The following ATXN1 variants were observed in gnomAD, a reference collection of about 807,000 sequenced individuals.
ATXN1 encodes ataxin-1.
In ATXN1, 8 loss-of-function variants were observed where a neutral mutation model predicts 56.4. The observed-to-expected ratio is 0.14, with a 90% confidence interval of 0.08 to 0.26. The LOEUF (loss-of-function observed/expected upper bound fraction) is 0.26. Ranked by LOEUF, ATXN1 falls within the 10% of genes least tolerant of loss-of-function variation. The pLI is 1.00. For synonymous variants in ATXN1, 514 were observed against 494.6 expected (o/e 1.04, Z -0.52); for missense variants, 987 against 1,106.5 (o/e 0.89, Z 1.53).
rs114119090 is a variant in ATXN1 at position 16,721,061 on chromosome 6, T to A, written c.-615+32172A>T. ...ACCCAGAGGATAACCAGCTCCCCCGTTCCAAATTATTCCTGCTCTGCATAC... is the reference window on the plus strand; with the variant it reads ...ACCCAGAGGATAACCAGCTCCCCCGATCCAAATTATTCCTGCTCTGCATAC... On this transcript the variant is annotated intron_variant, in intron 2 of 7. Transcript: ENST00000436367. 6.7e-3 allele frequency among the ~76,000 whole-genome samples: 1,028 copies of A among 152,310 alleles called. 16 individuals carry two copies. The highest frequency in any genetic ancestry group is 0.024 in the African/African-American group (998 of 41,574).
chr6:16,597,087 C>G (rs1331309417), intron 3 of ATXN1, among the ~76,000 whole-genome samples: 2 of 152,244 alleles, frequency 1.3e-5, no homozygotes, highest in African/African-American at 4.8e-5. Flanking sequence ...TGCCACTGCT[C>G]TGGGTCACCA....
At chr6:16,551,778 G>A (rs184654225) in intron 4 of ATXN1, among the ~76,000 whole-genome samples, 44 of 152,270 alleles carry the variant, frequency 2.9e-4, no homozygotes, top group Non-Finnish European at 5.6e-4. Context: ...CTGCTGTGGC[G>A]CTTCCAGCTG....
intron 7 of ATXN1, among the ~76,000 whole-genome samples, chr6:16,316,454 C>T (rs542638427): frequency 1.3e-5 from 2 of 152,172 alleles, no homozygotes; most frequent in African/African-American, 4.8e-5. Context: ...CAGTTAAAAT[C>T]TGAAAGAAGA....
intron 4 of ATXN1, among the ~76,000 whole-genome samples, chr6:16,571,118 C>T (rs371142653): frequency 5.9e-5 from 9 of 152,186 alleles, no homozygotes; most frequent in African/African-American, 9.6e-5. Context: ...AAATGGTTCC[C>T]GAGTTCAGCA....
chr6:16,347,080 C>T (rs889974438), intron 6 of ATXN1, among the ~76,000 whole-genome samples: 5 of 152,246 alleles, frequency 3.3e-5, no homozygotes, highest in African/African-American at 1.2e-4. Flanking sequence ...TTCTGGCGGG[C>T]AGGGCTCGGG....
intron 4 of ATXN1, among the ~76,000 whole-genome samples, chr6:16,568,571 T>A (rs1219596277): frequency 6.6e-6 from 1 of 152,202 alleles, no homozygotes. Context: ...CAAACTCTAG[T>A]ACCATGAGCA....
intron 4 of ATXN1, among the ~76,000 whole-genome samples, chr6:16,576,109 A>C (rs1234517907): frequency 1.3e-5 from 2 of 152,218 alleles, no homozygotes; most frequent in Non-Finnish European, 2.9e-5. Context: ...AAAAAAAAAA[A>C]AATCTGAAAA....
chr6:16,529,362 G>A (rs770428158), intron 4 of ATXN1, among the ~76,000 whole-genome samples: 2 of 150,564 alleles, frequency 1.3e-5, no homozygotes, highest in East Asian at 3.9e-4. Context: ...CAGTGGCAAC[G>A]ACACAAAATG....
rs78706477 is a variant in ATXN1 at position 16,695,765 on chromosome 6, C to G, written c.-614-37864G>C. ...GCAGTTACTAAACTTAAAAATGCAGCCTGGGCAATGGAATGAGACCCTGTC... is the reference window on the plus strand; with the variant it reads ...GCAGTTACTAAACTTAAAAATGCAGGCTGGGCAATGGAATGAGACCCTGTC... On this transcript the variant is annotated intron_variant, in intron 2 of 7. Transcript: ENST00000436367. Among the ~76,000 whole-genome samples the G allele has an allele frequency of 9.2e-3, 1,404 of 152,154 alleles. 23 individuals carry two copies. The highest frequency in any genetic ancestry group is 0.031 in the African/African-American group (1,271 of 41,504).
rs192824692 is a variant in ATXN1 at position 16,555,296 on chromosome 6, T to C, written c.-361+30484A>G. Reference sequence around the variant, plus strand: ...TGCTCTCTACAAGCCCCATGTGAGGTGCTAGATGTACAACATCTCATAAGT... The same window carrying C: ...TGCTCTCTACAAGCCCCATGTGAGGCGCTAGATGTACAACATCTCATAAGT... On this transcript the variant is annotated intron_variant, in intron 4 of 7. Coordinates refer to ENST00000436367, the MANE Select transcript of ATXN1 (RefSeq NM_001128164.2). 3.8e-3 allele frequency among the ~76,000 whole-genome samples: 585 copies of C among 152,236 alleles called. 3 individuals carry two copies. The highest frequency in any genetic ancestry group is 0.013 in the African/African-American group (538 of 41,534).
chr6:16,664,460 G>T (rs1161136336), intron 2 of ATXN1, among the ~76,000 whole-genome samples: 1 of 152,074 alleles, frequency 6.6e-6, no homozygotes, highest in East Asian at 1.9e-4. Flanking sequence ...TTCCATTGTG[G>T]AACATTATGT....
chr6:16,345,211 G>A (rs1761350763), intron 6 of ATXN1, among the ~76,000 whole-genome samples: 1 of 152,152 alleles, frequency 6.6e-6, no homozygotes, highest in Admixed American at 6.6e-5. Context: ...TGCCCCTTGA[G>A]ATTCCATTTC....
At chr6:16,705,765 G>C (rs1200647442) in intron 2 of ATXN1, among the ~76,000 whole-genome samples, 1 of 152,106 alleles carries the variant, frequency 6.6e-6, no homozygotes, top group Non-Finnish European at 1.5e-5. Flanking sequence ...GTGCTCTGTG[G>C]TTCTGGAATT....
intron 7 of ATXN1, among the ~76,000 whole-genome samples, chr6:16,310,373 T>G (rs1013136450): frequency 1.3e-5 from 2 of 151,942 alleles, no homozygotes; most frequent in African/African-American, 4.8e-5. Flanking sequence ...AAAAAACAAA[T>G]CTAGATTGAA....
At chr6:16,429,377 T>TAAAAAA (rs3072200) in intron 6 of ATXN1, among the ~76,000 whole-genome samples, 65 of 133,202 alleles carry the variant, frequency 4.9e-4, no homozygotes, top group East Asian at 2.2e-3. Flanking sequence ...CTTTTAGCAT[T>TAAAAAA]AAAAAAAAAA....
intron 3 of ATXN1, among the ~76,000 whole-genome samples, chr6:16,613,514 A>C (rs1427057419): frequency 6.6e-6 from 1 of 152,034 alleles, no homozygotes; most frequent in Non-Finnish European, 1.5e-5. Flanking sequence ...GTAATATTTG[A>C]CTGTGTTAAC....
At position 16,575,428 on chromosome 6, in the gene ATXN1, T is replaced by C. The variant is rs907148627; in HGVS notation, c.-361+10352A>G. On this transcript the variant is annotated intron_variant, in intron 4 of 7. Transcript: ENST00000436367. Reference sequence around the variant, plus strand: ...TCCTTTTCCCTTATTTATTTATTCATTGGACTCGTTGGATATTTTATTCTT... The same window carrying C: ...TCCTTTTCCCTTATTTATTTATTCACTGGACTCGTTGGATATTTTATTCTT... Among the ~76,000 whole-genome samples, 4 of 152,342 alleles carry C rather than the reference T, an allele frequency of 2.6e-5. No individual in the cohort carries two copies. The East Asian group carries it at 5.8e-4, about 22-fold the overall frequency.
At chr6:16,694,599 T>C (rs1561811555) in intron 2 of ATXN1, among the ~76,000 whole-genome samples, 1 of 152,240 alleles carries the variant, frequency 6.6e-6, no homozygotes, top group African/African-American at 2.4e-5. Flanking sequence ...ATTTCAACAC[T>C]GTAGATTATG....
chr6:16,642,751 A>G (rs928763055), intron 3 of ATXN1, among the ~76,000 whole-genome samples: 5 of 152,228 alleles, frequency 3.3e-5, no homozygotes, highest in African/African-American at 1.2e-4. Context: ...ACCCTTTACC[A>G]ACAAAACGAT....
Sources: gnomAD v4.1 joint callset for allele counts (sites outside exome capture counted in the v4.1 genomes callset) on GRCh38, gnomAD v4.1.1 for gene constraint, MANE v1.5 for transcripts, NCBI Gene and HGNC (gene_info 2026-07-23, HGNC 2026-07-21) for gene names.